The following EXOC4 variants were observed in gnomAD, a reference collection of about 807,000 sequenced individuals.
EXOC4 encodes SEC8-like 1.
In EXOC4, 71 loss-of-function variants were observed where a neutral mutation model predicts 107.2. The ratio of observed to expected loss-of-function variants is 0.66; its 90% confidence interval spans 0.55 to 0.81. The LOEUF (loss-of-function observed/expected upper bound fraction) is 0.81, where lower values mean the gene tolerates loss of function less well. EXOC4 is among the 30% of genes least tolerant of loss of function. EXOC4 has a pLI of 0.00. For missense variants in EXOC4, 1,108 were observed against 1,189.6 expected (o/e 0.93, Z 1.01); for synonymous variants, 456 against 441.2 (o/e 1.03, Z -0.42).
chr7:133,666,616 T>C (rs1026946285), intron 10 of EXOC4, among the ~76,000 whole-genome samples: 6 of 152,228 alleles, frequency 3.9e-5, no homozygotes, highest in African/African-American at 1.2e-4. Flanking sequence ...AGCTTTTTGG[T>C]AGCTGGTTGG....
rs371497941 is a variant in EXOC4, at chr7:133,716,088, A to G, written c.1514+85947A>G. Among the ~76,000 whole-genome samples the G allele has an allele frequency of 1.1e-4, 16 of 152,342 alleles. No homozygotes were observed. In the East Asian group the frequency reaches 2.5e-3, roughly 24 times the overall value. On this transcript the variant is annotated intron_variant, in intron 10 of 17. Coordinates refer to ENST00000253861, the MANE Select transcript of EXOC4 (RefSeq NM_021807.4). Reference sequence around the variant, plus strand: ...TTAAATTATTAAAGTCAAATACTTAAAGAGTACATGCTACAACACTACATT... The same window carrying G: ...TTAAATTATTAAAGTCAAATACTTAGAGAGTACATGCTACAACACTACATT...
At chr7:133,563,881 A>T (rs1800857121) in intron 9 of EXOC4, among the ~76,000 whole-genome samples, 1 of 152,190 alleles carries the variant, frequency 6.6e-6, no homozygotes, top group Admixed American at 6.5e-5. Context: ...CTGATTTTTG[A>T]CACTGGCCAC....
At chr7:133,318,721 C>A (rs1795045125) in intron 5 of EXOC4, among the ~76,000 whole-genome samples, 1 of 152,120 alleles carries the variant, frequency 6.6e-6, no homozygotes, top group Admixed American at 6.5e-5. Flanking sequence ...CCTTAAAATG[C>A]CACTTAAAAT....
intron 11 of EXOC4, among the ~76,000 whole-genome samples, chr7:133,860,884 T>C (rs1425982141): frequency 6.6e-6 from 1 of 152,182 alleles, no homozygotes; most frequent in African/African-American, 2.4e-5. Context: ...TCTCTATGTA[T>C]GACTAGAAAT....
chr7:133,698,001 G>T (rs2909226), intron 10 of EXOC4, among the ~76,000 whole-genome samples: 2 of 152,188 alleles, frequency 1.3e-5, no homozygotes, highest in Non-Finnish European at 2.9e-5. Context: ...CACCAGCTCT[G>T]CTGTAAAACC....
chr7:133,424,639 G>A (rs538082714), intron 7 of EXOC4, among the ~76,000 whole-genome samples: 2 of 152,084 alleles, frequency 1.3e-5, no homozygotes, highest in African/African-American at 2.4e-5. Context: ...CCCTACAAGC[G>A]TTACTCATAA....
chr7:133,409,183 C>T (rs1235448148), intron 7 of EXOC4, among the ~76,000 whole-genome samples: 1 of 152,158 alleles, frequency 6.6e-6, no homozygotes, highest in Non-Finnish European at 1.5e-5. Context: ...AATTCAATAA[C>T]AGAATGATCA....
At chr7:133,276,164 A>G (rs1476969142) in intron 2 of EXOC4, among the ~76,000 whole-genome samples, 1 of 149,020 alleles carries the variant, frequency 6.7e-6, no homozygotes, top group Non-Finnish European at 1.5e-5. Context: ...TTTCTCCCCT[A>G]CTTTCTTCCT....
chr7:133,762,788 C>T (rs148423840), intron 10 of EXOC4, among the ~76,000 whole-genome samples: 8 of 151,614 alleles, frequency 5.3e-5, no homozygotes, highest in African/African-American at 7.3e-5. Flanking sequence ...GAATAATTTC[C>T]GAATAGTATG....
chr7:133,574,223 A>G (rs1040417634), intron 9 of EXOC4, among the ~76,000 whole-genome samples: 3 of 152,190 alleles, frequency 2.0e-5, no homozygotes, highest in Non-Finnish European at 4.4e-5. Flanking sequence ...ATGTGTGTAC[A>G]TGCATGTATA....
chr7:133,423,680 G>T (rs796282234), intron 7 of EXOC4, among the ~76,000 whole-genome samples: 5 of 152,308 alleles, frequency 3.3e-5, no homozygotes, highest in African/African-American at 1.2e-4. Flanking sequence ...CTTGGCATCC[G>T]CTCTGGGCCC....
intron 9 of EXOC4, among the ~76,000 whole-genome samples, chr7:133,500,460 A>T (rs1405847948): frequency 2.0e-5 from 3 of 152,200 alleles, no homozygotes; most frequent in African/African-American, 4.8e-5. Flanking sequence ...GCAGTGTTGC[A>T]TTCTTCAGTA....
chr7:133,375,662 A>G (rs376270923), intron 7 of EXOC4, among the ~76,000 whole-genome samples: 1 of 152,206 alleles, frequency 6.6e-6, no homozygotes, highest in African/African-American at 2.4e-5. Flanking sequence ...ACATAGCTTA[A>G]TTTTGTTGAC....
intron 7 of EXOC4, among the ~76,000 whole-genome samples, chr7:133,379,261 A>T (rs1352294423): frequency 1.3e-5 from 2 of 152,068 alleles, no homozygotes; most frequent in African/African-American, 4.8e-5. Flanking sequence ...TTGCCCCTCC[A>T]GTAGAGAAAC....
intron 11 of EXOC4, among the ~76,000 whole-genome samples, chr7:133,882,765 C>G (rs548376668): frequency 2.0e-5 from 3 of 152,036 alleles, no homozygotes; most frequent in Non-Finnish European, 4.4e-5. Context: ...GTAGCTGAAT[C>G]ATAGAGAGGG....
intron 10 of EXOC4, among the ~76,000 whole-genome samples, chr7:133,769,721 A>C (rs1796208226): frequency 6.6e-6 from 1 of 151,932 alleles, no homozygotes. Flanking sequence ...TAACAAAGCA[A>C]ATCTAAAACA....
At chr7:134,069,271 TCTC>T (rs1307848657), downstream of EXOC4, among the ~76,000 whole-genome samples, 5 of 146,592 alleles carry the variant, frequency 3.4e-5, no homozygotes, top group Admixed American at 1.4e-4. Flanking sequence ...TCCCTCCTCT[TCTC>T]CTCCTCCTTC....
chr7:134,052,056 A>G (rs985044079), intron 17 of EXOC4, among the ~76,000 whole-genome samples: 8 of 152,228 alleles, frequency 5.3e-5, no homozygotes, highest in Non-Finnish European at 1.0e-4. Flanking sequence ...GTCAAGGAAA[A>G]GAGGACTTAG....
intron 10 of EXOC4, among the ~76,000 whole-genome samples, chr7:133,750,691 C>T (rs2151138135): frequency 6.6e-6 from 1 of 152,076 alleles, no homozygotes; most frequent in African/African-American, 2.4e-5. Flanking sequence ...GTGACCCTCC[C>T]ACCTCAGCCT....
Sources: gnomAD v4.1 joint callset for allele counts (sites outside exome capture counted in the v4.1 genomes callset) on GRCh38, gnomAD v4.1.1 for gene constraint, MANE v1.5 for transcripts, NCBI Gene and HGNC (gene_info 2026-07-23, HGNC 2026-07-21) for gene names.